Variants in PEX5L observed in about 807,000 individuals in gnomAD.
The protein encoded by PEX5L is peroxisomal biogenesis factor 5 like.
PEX5L carries 30 observed loss-of-function variants against 84.0 expected under a neutral mutation model. The observed-to-expected ratio is 0.36, with a 90% CI of 0.27 to 0.48. The LOEUF (loss-of-function observed/expected upper bound fraction) is 0.48. Ranked by LOEUF, PEX5L falls within the 20% of genes least tolerant of loss-of-function variation. The pLI, the probability that PEX5L is intolerant of heterozygous loss-of-function variation, is 0.99. For missense variants in PEX5L, 533 were observed against 754.6 expected (o/e 0.71, Z 3.44); for synonymous variants, 270 against 283.1 (o/e 0.95, Z 0.46).
At chr3:179,859,869 C>T (rs796158770) in intron 7 of PEX5L, among the ~76,000 whole-genome samples, 12 of 152,074 alleles carry the variant, frequency 7.9e-5, no homozygotes, top group African/African-American at 1.9e-4. Context: ...CCCAAGAGTC[C>T]GCTGTAGTTT....
At chr3:179,929,724 C>T (rs190077334) in intron 2 of PEX5L, among the ~76,000 whole-genome samples, 12 of 152,336 alleles carry the variant, frequency 7.9e-5, no homozygotes, top group Admixed American at 6.5e-4. Flanking sequence ...TTCCTGCTCC[C>T]TAAAACTGGG....
chr3:180,036,177 C>T (rs1034411186), intron 1 of PEX5L, among the ~76,000 whole-genome samples: 1 of 152,128 alleles, frequency 6.6e-6, no homozygotes, highest in Non-Finnish European at 1.5e-5. Flanking sequence ...AGTCAAGCAA[C>T]CTTTTCAGAT....
intron 2 of PEX5L, among the ~76,000 whole-genome samples, chr3:179,942,632 A>G (rs1241821448): frequency 2.0e-5 from 3 of 151,994 alleles, no homozygotes; most frequent in Admixed American, 1.3e-4. Flanking sequence ...TCTTCCCAGG[A>G]CTCTGCCTTC....
intron 1 of PEX5L, among the ~76,000 whole-genome samples, chr3:180,004,332 T>C (rs1788681160): frequency 6.6e-6 from 1 of 152,218 alleles, no homozygotes; most frequent in Admixed American, 6.5e-5. Context: ...TGTTTTTAGT[T>C]ATTAGTGAAG....
At chr3:179,865,385 G>A (rs1747748376) in intron 7 of PEX5L, among the ~76,000 whole-genome samples, 2 of 152,098 alleles carry the variant, frequency 1.3e-5, no homozygotes, top group African/African-American at 4.8e-5. Context: ...ATAGCGATTA[G>A]TATGCGGTTA....
At chr3:179,850,838 A>G (rs929665464) in intron 8 of PEX5L, among the ~76,000 whole-genome samples, 2 of 152,210 alleles carry the variant, frequency 1.3e-5, no homozygotes, top group African/African-American at 4.8e-5. Context: ...AAGAGGTAAT[A>G]TTGTCATAGA....
chr3:179,804,658 G>A (rs982619404), intron 14 of PEX5L, among the ~76,000 whole-genome samples: 4 of 152,134 alleles, frequency 2.6e-5, no homozygotes, highest in African/African-American at 9.7e-5. Flanking sequence ...TACATACACC[G>A]ACACCTGCAG....
intron 10 of PEX5L, 151 bp downstream of exon 10, chr3:179,815,710 A>G: frequency 1.3e-6 from 1 of 756,866 alleles, no homozygotes; most frequent in Non-Finnish European, 2.1e-6. Flanking sequence ...ACGGGTACTT[A>G]TTTGTAACTT....
chr3:179,883,489 ACTGT>A (rs1754796099), intron 4 of PEX5L, among the ~76,000 whole-genome samples: 1 of 152,356 alleles, frequency 6.6e-6, no homozygotes. Context: ...AGTGGTTAAG[ACTGT>A]CTGAGTTTGA....
intron 8 of PEX5L, among the ~76,000 whole-genome samples, chr3:179,840,114 T>C (rs1422186198): frequency 6.6e-6 from 1 of 151,640 alleles, no homozygotes; most frequent in Non-Finnish European, 1.5e-5. Flanking sequence ...AGTAAGAATT[T>C]TGCATCTTGT....
chr3:180,027,527 T>TA (rs2108347347), intron 1 of PEX5L, among the ~76,000 whole-genome samples: 1 of 152,162 alleles, frequency 6.6e-6, no homozygotes, highest in South Asian at 2.1e-4. Context: ...TGCATACACA[T>TA]AAGATTATTA....
intron 2 of PEX5L, among the ~76,000 whole-genome samples, chr3:179,955,067 T>C (rs1780145758): frequency 6.6e-6 from 1 of 152,294 alleles, no homozygotes; most frequent in East Asian, 1.9e-4. Flanking sequence ...TCCTGTCCTA[T>C]AATGTGGCTT....
chr3:179,902,497 A>AAATGCT, intron 2 of PEX5L, among the ~76,000 whole-genome samples: 1 of 152,362 alleles, frequency 6.6e-6, no homozygotes, highest in East Asian at 1.9e-4. Flanking sequence ...GTTTCTAACA[A>AAATGCT]AATGCTTTTG....
At chr3:179,828,914 T>C (rs942431446) in intron 8 of PEX5L, among the ~76,000 whole-genome samples, 2 of 152,214 alleles carry the variant, frequency 1.3e-5, no homozygotes, top group Non-Finnish European at 2.9e-5. Flanking sequence ...TGAATCAGAA[T>C]TCTTCAAGAT....
chr3:179,961,658 G>T (rs192837729), intron 2 of PEX5L, among the ~76,000 whole-genome samples: 2 of 152,178 alleles, frequency 1.3e-5, no homozygotes, highest in East Asian at 3.9e-4. Flanking sequence ...TATTTTGTAT[G>T]GTCTTCCTGA....
rs1284025773 is a variant in PEX5L, at chr3:179,801,756, A to T, written c.*72T>A. 2.0e-6 allele frequency: 2 copies of T among 1,000,980 alleles called. No individual in the cohort carries two copies. The highest frequency in any genetic ancestry group is 3.2e-6 in the Non-Finnish European group (2 of 627,894). 62.0% of individuals were successfully genotyped at this position (1,000,980 alleles called of 1,614,324 possible). A position where few individuals can be genotyped will look rare whatever the true frequency, so the allele number is the denominator to read the frequency against. Reference sequence around the variant, plus strand: ...TTTGATTTATCCTTTTGAAATTCATAATAAAATAGTTTTTGATTTTTCAGT... The same window carrying T: ...TTTGATTTATCCTTTTGAAATTCATTATAAAATAGTTTTTGATTTTTCAGT... On this transcript the variant is annotated 3_prime_UTR_variant, in exon 15 of 15. Coordinates refer to ENST00000467460, the MANE Select transcript of PEX5L (RefSeq NM_016559.3).
At chr3:179,899,261 C>T (rs1055552547) in intron 2 of PEX5L, among the ~76,000 whole-genome samples, 6 of 151,976 alleles carry the variant, frequency 3.9e-5, no homozygotes, top group African/African-American at 1.4e-4. Flanking sequence ...TTAAATAATC[C>T]TTAAATACTT....
intron 1 of PEX5L, among the ~76,000 whole-genome samples, chr3:179,992,199 G>A (rs1246742063): frequency 6.6e-6 from 1 of 152,144 alleles, no homozygotes; most frequent in Non-Finnish European, 1.5e-5. Flanking sequence ...CAGCCTCATA[G>A]AAGTGTCCAA....
At chr3:179,913,641 G>A (rs993209931) in intron 2 of PEX5L, among the ~76,000 whole-genome samples, 1 of 152,046 alleles carries the variant, frequency 6.6e-6, no homozygotes, top group African/African-American at 2.4e-5. Flanking sequence ...TATTTTCTTA[G>A]AGAATATTTA....
Sources: gnomAD v4.1 joint callset for allele counts (sites outside exome capture counted in the v4.1 genomes callset) on GRCh38, gnomAD v4.1.1 for gene constraint, MANE v1.5 for transcripts, NCBI Gene and HGNC (gene_info 2026-07-23, HGNC 2026-07-21) for gene names.